UXS1: variants seen among roughly 807,000 people sequenced by gnomAD.
The protein encoded by UXS1 is UDP-glucuronate decarboxylase 1, also known as UDP-glucuronic acid decarboxylase 1.
UXS1 carries 33 observed loss-of-function variants against 62.6 expected under a neutral mutation model. The observed-to-expected ratio is 0.53, with a 90% CI of 0.40 to 0.70. The LOEUF (loss-of-function observed/expected upper bound fraction) is 0.70. UXS1 is among the 30% of genes least tolerant of loss of function. The probability of loss-of-function intolerance (pLI) is 0.00; values close to 1 mark genes in which losing one functional copy is unlikely to be tolerated. For synonymous variants in UXS1, 213 were observed against 206.8 expected (o/e 1.03, Z -0.26); for missense variants, 434 against 556.3 (o/e 0.78, Z 2.21).
chr2:106,186,455 T>TACACACACAC (rs146886217), intron 1 of UXS1, among the ~76,000 whole-genome samples: 12,702 of 141,186 alleles, frequency 0.09, 596 homozygotes, highest in Admixed American at 0.11. Flanking sequence ...TATATATATA[T>TACACACACAC]ATACACACAC....
Position 106,104,837 on chromosome 2 carries a change from C to A in UXS1, c.880G>T (p.Val294Leu). 1 of 1,613,904 alleles carries A rather than the reference C, an allele frequency of 6.2e-7. No individual in the cohort carries two copies. Among genetic ancestry groups the A allele is most frequent in the South Asian group, 1.1e-5 (1 of 91,076 alleles). ...LQALQGEPLT[V>L]YGSGSQTRAF... ...CTTGTCTGAGACCCGGATCCGTATACCTGGAAGGAAACCAACAGTTAGGCC... is the reference window on the plus strand; with the variant it reads ...CTTGTCTGAGACCCGGATCCGTATAACTGGAAGGAAACCAACAGTTAGGCC... Residue 294 changes from valine to leucine, a missense_variant and splice_region_variant, in exon 11 of 15, where the codon GTA becomes TTA. This residue lies in a region of UXS1 where 209 missense variants were observed against 233.3 expected (regional missense o/e 0.90). Coordinates refer to ENST00000283148, the MANE Select transcript of UXS1 (RefSeq NM_001253875.2).
Position 106,172,211 on chromosome 2 carries a change from G to A in UXS1, c.95-6128C>T, listed in dbSNP as rs149197512. ...GAACCCTTCCCAAAGGCCTGGCTGGGTGACAAGCAGTGGGGGGCGGGGTGG... is the reference window on the plus strand; with the variant it reads ...GAACCCTTCCCAAAGGCCTGGCTGGATGACAAGCAGTGGGGGGCGGGGTGG... On this transcript the variant is annotated intron_variant, in intron 1 of 14. Coordinates refer to ENST00000283148, the MANE Select transcript of UXS1 (RefSeq NM_001253875.2). Among the ~76,000 whole-genome samples, 1,495 of 152,346 alleles carry A rather than the reference G, an allele frequency of 9.8e-3. 25 individuals are homozygous for A. The highest frequency in any genetic ancestry group is 0.034 in the African/African-American group (1,417 of 41,570).
chr2:106,192,816 G>A (rs1381610665), intron 1 of UXS1, among the ~76,000 whole-genome samples: 1 of 152,024 alleles, frequency 6.6e-6, no homozygotes, highest in African/African-American at 2.4e-5. Context: ...TTATAGTACC[G>A]ATTTCCCAGG....
chr2:106,167,812 T>C (rs994940885), intron 1 of UXS1, among the ~76,000 whole-genome samples: 12 of 152,172 alleles, frequency 7.9e-5, no homozygotes, highest in South Asian at 4.1e-4. Flanking sequence ...CTGGGCTACA[T>C]TCCCAGACTG....
At chr2:106,190,743 C>CAAAA (rs35043298) in intron 1 of UXS1, among the ~76,000 whole-genome samples, 6,839 of 124,638 alleles carry the variant, frequency 0.055, 314 homozygotes, top group Non-Finnish European at 0.068. Context: ...AACTCTGTAT[C>CAAAA]AAAAAAAAAA....
chr2:106,096,674 G>C, intron 14 of UXS1, 44 bp downstream of exon 14: 1 of 1,506,350 alleles, frequency 6.6e-7, no homozygotes, highest in Non-Finnish European at 8.9e-7. Context: ...CACAGGACAC[G>C]GGAGGCCCCT....
intron 5 of UXS1, among the ~76,000 whole-genome samples, chr2:106,156,188 T>C (rs1449794241): frequency 1.3e-5 from 2 of 152,078 alleles, no homozygotes; most frequent in South Asian, 2.1e-4. Flanking sequence ...CTTAATTCAA[T>C]GATGAAAAGA....
chr2:106,122,882 C>T (rs1041579717), intron 9 of UXS1, 88 bp downstream of exon 9: 3 of 1,520,892 alleles, frequency 2.0e-6, no homozygotes, highest in Admixed American at 3.8e-5. Context: ...CAAAATCAGT[C>T]ATGGCATTCA....
intron 11 of UXS1, chr2:106,101,399 C>T (rs962265277): frequency 4.5e-5 from 17 of 378,112 alleles, no homozygotes; most frequent in African/African-American, 2.1e-4. Context: ...GGGCTGAGTT[C>T]GCCACTGCAT....
At chr2:106,149,593 T>A (rs557612666) in intron 5 of UXS1, among the ~76,000 whole-genome samples, 167 of 152,274 alleles carry the variant, frequency 1.1e-3, no homozygotes, top group African/African-American at 3.2e-3. Flanking sequence ...AACCCCTTGA[T>A]CTTGGACTCC....
At position 106,147,013 on chromosome 2, in the gene UXS1, C is replaced by A. The variant is rs116093498; in HGVS notation, c.292-1643G>T. Among the ~76,000 whole-genome samples the A allele has an allele frequency of 6.1e-3, 930 of 152,008 alleles. 5 individuals are homozygous for A. The highest frequency in any genetic ancestry group is 0.021 in the African/African-American group (855 of 41,452). ...ACTAAAAATACAAAAATTAGCTACA[C>A]GCCTGTAATCCCAGCTACTATGGTG... is the stretch of plus-strand genomic sequence containing the variant. On this transcript the variant is annotated intron_variant, in intron 5 of 14. Transcript: ENST00000283148.
At chr2:106,189,023 C>T (rs1031339630) in intron 1 of UXS1, among the ~76,000 whole-genome samples, 3 of 151,932 alleles carry the variant, frequency 2.0e-5, no homozygotes, top group Non-Finnish European at 4.4e-5. Context: ...AATGAGGAGA[C>T]GTCCCAAAAG....
At chr2:106,164,914 T>C (rs1683119666) in intron 2 of UXS1, 115 bp from the exon 3 acceptor site, 2 of 716,198 alleles carry the variant, frequency 2.8e-6, no homozygotes, top group East Asian at 5.6e-5. Flanking sequence ...CAAGTATCAG[T>C]CATGTGTACA....
In UXS1 at chr2:106,194,193, T is replaced by C; in HGVS notation, c.49A>G (p.Arg17Gly). The C allele has an allele frequency of 6.8e-7, 1 of 1,473,466 alleles. No homozygotes were observed. The highest frequency in any genetic ancestry group is 9.0e-7 in the Non-Finnish European group (1 of 1,109,866). The allele number at this position is 1,473,466 out of a possible 1,614,324, so 91.3% of individuals were successfully genotyped here. ...GCGATGCCCAGCAGCAGCTTCATCC[T>C]CCTGCGGTTGACGGCAGACACGAGG... The part of the protein sequence containing the change: ...LRLVSAVNRR[R>G]MKLLLGIALL... Residue 17 changes from arginine (R) to glycine (G), a missense_variant, in exon 1 of 15, where the codon AGG becomes GGG. Transcript: ENST00000283148.
intron 2 of UXS1, among the ~76,000 whole-genome samples, 172 bp from the exon 3 acceptor site, chr2:106,164,971 G>A (rs1683121943): frequency 6.6e-6 from 1 of 152,066 alleles, no homozygotes; most frequent in Non-Finnish European, 1.5e-5. Flanking sequence ...ACAACCAAAG[G>A]GAAGGACTCC....
chr2:106,145,188 AC>A lies in UXS1; in HGVS notation c.472+1del. 6.2e-7 allele frequency: 1 copy of A among 1,611,918 alleles called. No homozygotes were observed. Among genetic ancestry groups the A allele is most frequent in the Non-Finnish European group, 8.5e-7 (1 of 1,178,918 alleles). ...TAATAACAATGTGCAGTTTTCACTC[AC>A]CCTCGATGTAGAGGGGCTCCACCAC... is the stretch of plus-strand genomic sequence containing the variant. On this transcript the variant is annotated splice_donor_variant, in intron 6 of 14. Transcript: ENST00000283148. LOFTEE classifies it high-confidence loss of function.
intron 5 of UXS1, among the ~76,000 whole-genome samples, chr2:106,154,900 T>G (rs1007613578): frequency 3.3e-5 from 5 of 152,172 alleles, no homozygotes; most frequent in African/African-American, 1.2e-4. Flanking sequence ...AGAGGTTTAT[T>G]TGGCACACGG....
chr2:106,095,128 A>C (rs988548570), intron 14 of UXS1, among the ~76,000 whole-genome samples: 9 of 152,372 alleles, frequency 5.9e-5, no homozygotes, highest in South Asian at 2.1e-4. Context: ...TAAATTCCAG[A>C]AAGATAAAGA....
chr2:106,154,984 G>A (rs1020565438), intron 5 of UXS1, among the ~76,000 whole-genome samples: 3 of 152,196 alleles, frequency 2.0e-5, no homozygotes, highest in African/African-American at 7.2e-5. Flanking sequence ...TTCAATCATA[G>A]TAGAAGGCTA....
Sources: allele counts gnomAD v4.1 joint callset (sites outside exome capture counted in the v4.1 genomes callset), GRCh38; gene constraint gnomAD v4.1.1; regional missense constraint gnomAD v4.1.1; transcripts MANE v1.5; gene names NCBI Gene and HGNC (gene_info 2026-07-23, HGNC 2026-07-21).